Variants in KMO observed in about 807,000 individuals in gnomAD.
KMO encodes kynurenine 3-monooxygenase.
A neutral mutation model predicts 57.8 loss-of-function variants in KMO; 24 were observed. That is an observed-to-expected ratio of 0.42 (90% CI 0.30 to 0.58). The LOEUF is 0.58. Among genes scored for constraint, KMO ranks in the 20% least tolerant of loss-of-function variants. The pLI, the probability that KMO is intolerant of heterozygous loss-of-function variation, is 0.22. For missense variants in KMO, 483 were observed against 588.2 expected (o/e 0.82, Z 1.85); for synonymous variants, 210 against 193.6 (o/e 1.08, Z -0.70).
intron 1 of KMO, among the ~76,000 whole-genome samples, chr1:241,539,379 G>A (rs749694796): frequency 9.6e-6 from 1 of 103,762 alleles, no homozygotes; most frequent in South Asian, 2.9e-4. Context: ...GTGAGACTCC[G>A]TCTCAAAAAA....
rs753896471 is a variant in KMO at position 241,555,634 on chromosome 1, A to T, written c.335A>T (p.Glu112Val). Residue 112 changes from glutamate (E) to valine (V), a missense_variant, in exon 5 of 15, where the codon GAA becomes GTA. Around this residue, in one of 3 missense-constraint regions of KMO, gnomAD observed 410 missense variants for 492.3 expected, o/e 0.83. Transcript: ENST00000366559. ...KSQYILSVSR[E>V]NLNKDLLTAA... ...CAGTATATTCTTTCTGTAAGCAGAG[A>T]AAATCTAAACAAGGATCTATTGACT... is the stretch of plus-strand genomic sequence containing the variant. 1.4e-5 allele frequency: 22 copies of T among 1,579,196 alleles called. No homozygotes were observed. Among genetic ancestry groups the T allele is most frequent in the Non-Finnish European group, 1.7e-5 (20 of 1,149,662 alleles).
rs772830244 is a variant in KMO, at chr1:241,591,993, C to T, written c.1301C>T (p.Ala434Val). Reference sequence around the variant, plus strand: ...CTCTTTTTCTTGGGATCACTGATAGCCATCAGCAGTACCTACCTACTTATA... The same window carrying T: ...CTCTTTTTCTTGGGATCACTGATAGTCATCAGCAGTACCTACCTACTTATA... ...KGLFFLGSLI[A>V]ISSTYLLIHY... is the part of the protein sequence containing the mutation. The change falls in exon 15 of 15, where the codon GCC becomes GTC. Residue 434 changes from alanine to valine, a missense_variant. Physicochemically the swap from Ala to Val is moderately conservative, Grantham distance 64 (BLOSUM62 0). This residue lies in a region of KMO where 410 missense variants were observed against 492.3 expected (regional missense o/e 0.83). Coordinates refer to ENST00000366559, the MANE Select transcript of KMO (RefSeq NM_003679.5). 3 of 1,613,902 alleles carry T rather than the reference C, an allele frequency of 1.9e-6. No homozygotes were observed. The highest frequency in any genetic ancestry group is 2.5e-6 in the Non-Finnish European group (3 of 1,179,834).
intron 10 of KMO, among the ~76,000 whole-genome samples, chr1:241,580,044 G>A (rs943795186): frequency 6.6e-6 from 1 of 152,162 alleles, no homozygotes; most frequent in Non-Finnish European, 1.5e-5. Context: ...CTTCCCCCAT[G>A]GACTGGATTG....
chr1:241,552,573 C>T (rs1045888946), intron 4 of KMO, among the ~76,000 whole-genome samples: 3 of 152,160 alleles, frequency 2.0e-5, no homozygotes, highest in Non-Finnish European at 4.4e-5. Context: ...CTCCCTCTCA[C>T]CTGGTATTGG....
intron 1 of KMO, among the ~76,000 whole-genome samples, chr1:241,545,539 G>A (rs371452296): frequency 6.6e-6 from 1 of 152,082 alleles, no homozygotes; most frequent in Non-Finnish European, 1.5e-5. Flanking sequence ...CTCAATGCGT[G>A]TCTGATTCCC....
chr1:241,547,661 C>T lies in KMO; in HGVS notation c.55-1168C>T, dbSNP rs2147946648. Among the ~76,000 whole-genome samples the T allele has an allele frequency of 1.3e-5, 2 of 151,828 alleles. 1 individual carries two copies. The highest frequency in any genetic ancestry group is 4.2e-4 in the South Asian group (2 of 4,804). On this transcript the variant is annotated intron_variant, in intron 1 of 14. Transcript: ENST00000366559. ...TAAAACTACATTCCTCTCCAACTTA[C>T]CAGCTCCCACCCTCCCACTCCACAA...
intron 10 of KMO, among the ~76,000 whole-genome samples, chr1:241,576,577 G>A (rs192379680): frequency 6.6e-6 from 1 of 152,268 alleles, no homozygotes; most frequent in Non-Finnish European, 1.5e-5. Flanking sequence ...GGAGGCTGAA[G>A]ACAGGACCCC....
chr1:241,562,462 T>A (rs965238722), intron 7 of KMO, 130 bp downstream of exon 7: 67 of 854,038 alleles, frequency 7.8e-5, no homozygotes, highest in Non-Finnish European at 1.2e-4. Flanking sequence ...AACTTTGTAA[T>A]GAAGAATAAA....
intron 10 of KMO, among the ~76,000 whole-genome samples, chr1:241,583,087 T>A (rs973757213): frequency 6.6e-6 from 1 of 152,202 alleles, no homozygotes; most frequent in Non-Finnish European, 1.5e-5. Flanking sequence ...AAAGGGAGAA[T>A]TCCTTGGGTT....
At chr1:241,548,235 A>C (rs1274921259) in intron 1 of KMO, among the ~76,000 whole-genome samples, 1 of 152,228 alleles carries the variant, frequency 6.6e-6, no homozygotes, top group Admixed American at 6.5e-5. Flanking sequence ...GTTTGAGACC[A>C]GACTGGGCAA....
At chr1:241,588,377 C>CAG (rs1663103232) in intron 11 of KMO, among the ~76,000 whole-genome samples, 1 of 117,734 alleles carries the variant, frequency 8.5e-6, no homozygotes. Context: ...TCATCTCTCT[C>CAG]AGATGCTCAG....
chr1:241,571,198 TA>T (rs35832407), intron 10 of KMO, among the ~76,000 whole-genome samples: 143,710 of 152,098 alleles, frequency 0.94, 68,320 homozygotes, highest in Non-Finnish European at 1. Flanking sequence ...TAGGTTTTTG[TA>T]AAACATAAGG....
chr1:241,555,748 T>C, intron 5 of KMO, 88 bp downstream of exon 5: 1 of 826,014 alleles, frequency 1.2e-6, no homozygotes, highest in South Asian at 1.5e-5. Context: ...ATTTGTTTGC[T>C]GCTCCTTTTT....
In KMO at chr1:241,566,601, T is replaced by C; in HGVS notation, c.798T>C (p.Pro266=). The stretch of plus-strand genomic sequence containing the variant: ...AGAAATACTTTCCGGATGCCATCCC[T>C]CTAATTGGAGAGTAAGTTGCAAGAT... ...FFQKYFPDAI[P]LIGEKLLVQD... Residue 266 remains proline (P), a synonymous_variant, in exon 9 of 15, where the codon CCT becomes CCC. Transcript: ENST00000366559. The C allele has an allele frequency of 6.2e-7, 1 of 1,613,760 alleles. No individual in the cohort carries two copies. The highest frequency in any genetic ancestry group is 8.5e-7 in the Non-Finnish European group (1 of 1,179,778).
chr1:241,573,901 T>C (rs1662403631), intron 10 of KMO, among the ~76,000 whole-genome samples: 1 of 152,134 alleles, frequency 6.6e-6, no homozygotes, highest in African/African-American at 2.4e-5. Context: ...ATCCATGAAC[T>C]TGGAATGGGT....
chr1:241,565,663 G>C (rs1662048058), intron 8 of KMO, among the ~76,000 whole-genome samples: 1 of 151,846 alleles, frequency 6.6e-6, no homozygotes, highest in Non-Finnish European at 1.5e-5. Context: ...GATGGAGGCT[G>C]CAGTAAGCCG....
intron 10 of KMO, among the ~76,000 whole-genome samples, chr1:241,584,061 T>C (rs1662866911): frequency 6.6e-6 from 1 of 152,174 alleles, no homozygotes; most frequent in Admixed American, 6.5e-5. Context: ...ACATGGGCCA[T>C]GTTGGTGTGC....
Position 241,590,234 on chromosome 1 carries a change from G to T in KMO, c.1231G>T (p.Ala411Ser), listed in dbSNP as rs755432487. 11 of 1,613,752 alleles carry T rather than the reference G, an allele frequency of 6.8e-6. No homozygotes were observed. The highest frequency in any genetic ancestry group is 5.9e-6 in the Non-Finnish European group (7 of 1,179,856). Residue 411 changes from alanine (A) to serine (S), a missense_variant, in exon 14 of 15, where the codon GCT becomes TCT. Coordinates refer to ENST00000366559, the MANE Select transcript of KMO (RefSeq NM_003679.5). ...VTFSRIRYHE[A>S]VQRWHWQKKV... Reference sequence around the variant, plus strand: ...TTTTTCCAGAATAAGATACCATGAGGCTGTGCAGCGTTGGCATTGGCAAAA... The same window carrying T: ...TTTTTCCAGAATAAGATACCATGAGTCTGTGCAGCGTTGGCATTGGCAAAA...
intron 5 of KMO, among the ~76,000 whole-genome samples, chr1:241,557,069 T>C (rs1661660598): frequency 1.3e-5 from 2 of 151,872 alleles, no homozygotes; most frequent in South Asian, 2.1e-4. Flanking sequence ...AGATTCATGA[T>C]ATTTGTAAGA....
Sources: gnomAD v4.1 joint callset for allele counts (sites outside exome capture counted in the v4.1 genomes callset) on GRCh38, gnomAD v4.1.1 for gene constraint, gnomAD v4.1.1 regional missense constraint, MANE v1.5 for transcripts, NCBI Gene and HGNC (gene_info 2026-07-23, HGNC 2026-07-21) for gene names.